The following PGM5 variants were observed in gnomAD, a reference collection of about 807,000 sequenced individuals.
PGM5 encodes the protein phosphoglucomutase-like protein 5.
A neutral mutation model predicts 59.2 loss-of-function variants in PGM5; 23 were observed. The observed-to-expected ratio is 0.39, with a 90% CI of 0.28 to 0.55. PGM5 has a LOEUF of 0.55. Among genes scored for constraint, PGM5 ranks in the 20% least tolerant of loss-of-function variants. PGM5 has a pLI of 0.66. For missense variants in PGM5, 574 were observed against 748.3 expected (o/e 0.77, Z 2.72); for synonymous variants, 214 against 286.0 (o/e 0.75, Z 2.54).
intron 6 of PGM5, chr9:68,400,451 GTTC>G (rs1351144363): frequency 6.6e-6 from 1 of 152,290 alleles, no homozygotes; most frequent in African/African-American, 2.4e-5. Context: ...ATTCCACTTT[GTTC>G]TTCTTTATCT....
chr9:68,420,847 T>G (rs1310492056), intron 6 of PGM5, among the ~76,000 whole-genome samples: 1 of 152,222 alleles, frequency 6.6e-6, no homozygotes, highest in African/African-American at 2.4e-5. Flanking sequence ...AATGAAGATG[T>G]AAATGCCTCA....
chr9:68,528,128 G>A (rs1199844952), intron 10 of PGM5, among the ~76,000 whole-genome samples: 1 of 152,160 alleles, frequency 6.6e-6, no homozygotes, highest in Non-Finnish European at 1.5e-5. Context: ...CAAAATGCAA[G>A]CCTTCTTTTC....
chr9:68,377,495 A>C (rs142852327), intron 1 of PGM5, among the ~76,000 whole-genome samples: 1 of 152,166 alleles, frequency 6.6e-6, no homozygotes, highest in Non-Finnish European at 1.5e-5. Flanking sequence ...ATCCAATTTT[A>C]AAACAAGGTG....
At position 68,421,648 on chromosome 9, in the gene PGM5, C is replaced by T. The variant is rs143532570; in HGVS notation, c.1043+29175C>T. Among the ~76,000 whole-genome samples the T allele has an allele frequency of 5.9e-3, 891 of 152,046 alleles. 4 individuals carry two copies. Among genetic ancestry groups the T allele is most frequent in the Non-Finnish European group, 1.0e-2 (678 of 67,982 alleles). On this transcript the variant is annotated intron_variant, in intron 6 of 10. Coordinates refer to ENST00000396396, the MANE Select transcript of PGM5 (RefSeq NM_021965.4). The stretch of plus-strand genomic sequence containing the variant: ...AGGAGAATCACTTGAACCCGGGAGG[C>T]GGAGGTTGCAGTGAGCGGAGATCAT...
intron 6 of PGM5, chr9:68,397,186 G>T (rs1554680077): frequency 1.3e-5 from 2 of 152,770 alleles, no homozygotes; most frequent in Admixed American, 1.3e-4. Context: ...AAACATTTTG[G>T]TTCAAATGAT....
intron 1 of PGM5, chr9:68,358,000 G>A (rs1174911105): frequency 6.4e-6 from 1 of 155,862 alleles, no homozygotes; most frequent in African/African-American, 2.4e-5. Context: ...AGGCCCTGAA[G>A]GTTTTTATTA....
chr9:68,424,725 T>A (rs1235869945), intron 6 of PGM5, among the ~76,000 whole-genome samples: 1 of 152,248 alleles, frequency 6.6e-6, no homozygotes. Context: ...CAGATTGTTG[T>A]GATTCTCCAG....
At chr9:68,446,345 C>T (rs1271954866) in intron 6 of PGM5, among the ~76,000 whole-genome samples, 1 of 152,244 alleles carries the variant, frequency 6.6e-6, no homozygotes, top group African/African-American at 2.4e-5. Context: ...CTTTCCCATA[C>T]ATTCTCATTT....
intron 9 of PGM5, among the ~76,000 whole-genome samples, chr9:68,494,217 T>A (rs1408119086): frequency 1.3e-5 from 2 of 151,962 alleles, no homozygotes; most frequent in African/African-American, 4.8e-5. Flanking sequence ...CTACGAAGAC[T>A]GTGCTAAAAA....
At position 68,437,568 on chromosome 9, in the gene PGM5, C is replaced by A. The variant is rs1823459100; in HGVS notation, c.1044-27525C>A. 6.7e-6 allele frequency among the ~76,000 whole-genome samples: 1 copy of A among 149,064 alleles called. No homozygotes were observed. ...GATAGGAATCAATTTTTCAAAGGGACACACACACTCACACACACACACACA... is the reference window on the plus strand; with the variant it reads ...GATAGGAATCAATTTTTCAAAGGGAAACACACACTCACACACACACACACA... On this transcript the variant is annotated intron_variant, in intron 6 of 10. Transcript: ENST00000396396. The surrounding 1 kb of genome is among the most constrained non-coding windows in gnomAD (Gnocchi z 4.1).
intron 9 of PGM5, among the ~76,000 whole-genome samples, chr9:68,490,650 T>A (rs1824376280): frequency 6.6e-6 from 1 of 152,222 alleles, no homozygotes; most frequent in South Asian, 2.1e-4. Context: ...CCACTGCGCC[T>A]GACCTCAACT....
chr9:68,527,091 A>G (rs1824990749), intron 10 of PGM5, among the ~76,000 whole-genome samples: 1 of 152,214 alleles, frequency 6.6e-6, no homozygotes, highest in Non-Finnish European at 1.5e-5. Context: ...AGCACGCGTT[A>G]GTTTGTAGAG....
At chr9:68,411,486 G>GTATATATATATATATA (rs1279685124) in intron 6 of PGM5, among the ~76,000 whole-genome samples, 6 of 137,932 alleles carry the variant, frequency 4.3e-5, no homozygotes, top group Non-Finnish European at 6.2e-5. Flanking sequence ...GTGTGTGTGT[G>GTATATATATATATATA]TGTATATATA....
intron 6 of PGM5, among the ~76,000 whole-genome samples, chr9:68,439,278 T>C (rs1171198086): frequency 4.0e-5 from 6 of 151,662 alleles, no homozygotes; most frequent in Non-Finnish European, 7.4e-5. Context: ...GTTGGGAGGA[T>C]TTCTTGAACA....
At chr9:68,429,688 A>G (rs782085529) in intron 6 of PGM5, among the ~76,000 whole-genome samples, 1 of 152,232 alleles carries the variant, frequency 6.6e-6, no homozygotes, top group Non-Finnish European at 1.5e-5. Flanking sequence ...CAATTGCAGC[A>G]TCTTGGATTA....
chr9:68,520,055 G>T (rs113631845), intron 10 of PGM5, among the ~76,000 whole-genome samples: 2 of 146,180 alleles, frequency 1.4e-5, no homozygotes, highest in African/African-American at 2.5e-5. Context: ...ATACCACTGC[G>T]CTCCAGCTTG....
In PGM5 at chr9:68,417,682, C is replaced by A. The variant is rs116412989; in HGVS notation, c.1043+25209C>A. On this transcript the variant is annotated intron_variant, in intron 6 of 10. Coordinates refer to ENST00000396396, the MANE Select transcript of PGM5 (RefSeq NM_021965.4). ...ATATAAATGCGACACAATTCTGGGG[C>A]AACTCCTGTCTTCAAAACTTATTTG... Among the ~76,000 whole-genome samples, 1,141 of 152,300 alleles carry A rather than the reference C, an allele frequency of 7.5e-3. 12 individuals carry two copies. Among genetic ancestry groups the A allele is most frequent in the African/African-American group, 0.027 (1,110 of 41,558 alleles).
chr9:68,414,506 C>G (rs1407707796), intron 6 of PGM5, among the ~76,000 whole-genome samples: 1 of 152,126 alleles, frequency 6.6e-6, no homozygotes, highest in Non-Finnish European at 1.5e-5. Flanking sequence ...TCAGTCTCCC[C>G]ACTGTGAACA....
intron 6 of PGM5, among the ~76,000 whole-genome samples, chr9:68,402,148 C>G (rs576346542): frequency 4.6e-5 from 7 of 152,162 alleles, no homozygotes; most frequent in Admixed American, 2.0e-4. Flanking sequence ...CTTGTAATCC[C>G]AGCTACTTGG....
Sources: gnomAD v4.1 joint callset for allele counts (sites outside exome capture counted in the v4.1 genomes callset) on GRCh38, gnomAD v4.1.1 for gene constraint, Gnocchi (gnomAD v3.1) non-coding constraint, MANE v1.5 for transcripts, NCBI Gene and HGNC (gene_info 2026-07-23, HGNC 2026-07-21) for gene names.